ARL10: variants seen among roughly 807,000 people sequenced by gnomAD.
ARL10 encodes ADP-ribosylation factor-like protein 10.
ARL10 carries 23 observed loss-of-function variants against 26.1 expected under a neutral mutation model. That is an observed-to-expected ratio of 0.88 (90% confidence interval 0.63 to 1.25). ARL10 has a LOEUF of 1.25. Ranked by LOEUF, ARL10 falls within the 50% of genes most tolerant of loss-of-function variation. The pLI, the probability that ARL10 is intolerant of heterozygous loss-of-function variation, is 0.00. For missense variants in ARL10, 300 were observed against 323.6 expected, an observed-to-expected ratio of 0.93 and a Z score of 0.56; for synonymous variants, 138 against 149.1, an observed-to-expected ratio of 0.93 and a Z score of 0.54.
intron 3 of ARL10, among the ~76,000 whole-genome samples, chr5:176,371,160 A>T (rs1248475349): frequency 6.6e-6 from 1 of 152,198 alleles, no homozygotes; most frequent in Non-Finnish European, 1.5e-5. Context: ...GGATCACCTG[A>T]GGTCAGGAGT....
At chr5:176,386,262 T>C (rs1755838259), downstream of ARL10, 1 of 180,626 alleles carries the variant, frequency 5.5e-6, no homozygotes, top group Admixed American at 5.4e-5. Flanking sequence ...GCAGTAATTC[T>C]TATGAGAACC....
chr5:176,389,069 A>G (rs1294458934), downstream of ARL10: 46 of 1,466,116 alleles, frequency 3.1e-5, no homozygotes, highest in Non-Finnish European at 4.0e-5. Context: ...GAGCGGAAGG[A>G]GAGCGGACTA....
In ARL10 at chr5:176,375,316, CCATCCATCCATCCATCCAT is replaced by C. The variant is rs1395677116; in HGVS notation, c.*3428_*3446del. ...TCCATCCATCCATCCATCCATCCAT[CCATCCATCCATCCATCCAT>C]CATCCACCCATCCATCCATCCATCC... On this transcript the variant is annotated 3_prime_UTR_variant, in exon 4 of 4. Coordinates refer to ENST00000310389, the MANE Select transcript of ARL10 (RefSeq NM_173664.6). The C allele has an allele frequency of 9.6e-5, 5 of 52,052 alleles. No individual in the cohort carries two copies. The highest frequency in any genetic ancestry group is 1.2e-4 in the African/African-American group (2 of 16,162). The allele number at this position is 52,052 out of a possible 1,614,324, so 3.2% of individuals were successfully genotyped here.
chr5:176,384,891 G>A (rs764661566), downstream of ARL10: 56 of 522,388 alleles, frequency 1.1e-4, no homozygotes, highest in Non-Finnish European at 1.6e-4. Flanking sequence ...CAGTGTAGCC[G>A]GATCTTTCAA....
the ARL10 span, among the ~76,000 whole-genome samples, chr5:176,407,096 C>G: frequency 0.95 from 144,744 of 152,186 alleles, 69,275 homozygotes; most frequent in East Asian, 1. Flanking sequence ...AGTTCTCACT[C>G]AGATTGGAAA....
In ARL10 at chr5:176,378,892, C is replaced by CA. The variant is rs386405762; in HGVS notation, c.*7017dup. ...TGGGCAACAGAGCGAGACTCTGTCT[C>CA]AAAAAAAAAAAAAAAAAAAATTTCA... On this transcript the variant is annotated 3_prime_UTR_variant, in exon 4 of 4. Coordinates refer to ENST00000310389, the MANE Select transcript of ARL10 (RefSeq NM_173664.6). The CA allele has an allele frequency of 0.03, 2,308 of 78,046 alleles. 58 individuals are homozygous for CA. Among genetic ancestry groups the CA allele is most frequent in the African/African-American group, 0.089 (1,671 of 18,790 alleles). 4.8% of individuals were successfully genotyped at this position (78,046 alleles called of 1,614,324 possible).
At chr5:176,385,958 T>C (rs531307157), downstream of ARL10, 1 of 152,718 alleles carries the variant, frequency 6.5e-6, no homozygotes, top group South Asian at 2.1e-4. Flanking sequence ...TCGAATCATA[T>C]CCAGAGGTTA....
In ARL10 at chr5:176,373,837, ACTC is replaced by A. The variant is rs578110344; in HGVS notation, c.*1945_*1947del. 28 of 152,074 alleles carry A rather than the reference ACTC, an allele frequency of 1.8e-4. No individual in the cohort carries two copies. Among genetic ancestry groups the A allele is most frequent in the African/African-American group, 6.5e-4 (27 of 41,482 alleles). The allele number at this position is 152,074 out of a possible 1,614,324, so 9.4% of individuals were successfully genotyped here. ...GAGACTTTTCTCCTTTGTTCTATGAACTCCTTGTTCTTCAGGGCTTGAAGGCAA... is the reference window on the plus strand; with the variant it reads ...GAGACTTTTCTCCTTTGTTCTATGAACTTGTTCTTCAGGGCTTGAAGGCAA... On this transcript the variant is annotated 3_prime_UTR_variant, in exon 4 of 4. Coordinates refer to ENST00000310389, the MANE Select transcript of ARL10 (RefSeq NM_173664.6).
Position 176,371,885 on chromosome 5 carries a change from T to A in ARL10, c.725T>A (p.Leu242His). ...CACATCTGGAAACTGCTCTTGGAGC[T>A]CCTCTCCTAGGCTGGAGCTCTCCTG... ...TVHIWKLLLELLS is the reference protein window; with the variant it reads ...TVHIWKLLLEHLS The change falls in exon 4 of 4, where the codon CTC (leucine) becomes CAC (histidine). Residue 242 changes from leucine to histidine, a missense_variant. Coordinates refer to ENST00000310389, the MANE Select transcript of ARL10 (RefSeq NM_173664.6). 1.2e-6 allele frequency: 2 copies of A among 1,613,974 alleles called. No homozygotes were observed. The highest frequency in any genetic ancestry group is 1.7e-6 in the Non-Finnish European group (2 of 1,179,884).
At chr5:176,404,647 G>T (rs1581437340), downstream of ARL10, among the ~76,000 whole-genome samples, 1 of 152,162 alleles carries the variant, frequency 6.6e-6, no homozygotes. Context: ...GCCAAACTGG[G>T]CCCACATCTC....
chr5:176,366,626 C>G (rs769753592), intron 2 of ARL10, 45 bp downstream of exon 2: 35 of 1,603,754 alleles, frequency 2.2e-5, no homozygotes, highest in Non-Finnish European at 1.8e-5. Context: ...TCTACTGGAC[C>G]AGTCCTGGAT....
chr5:176,392,926 C>G (rs772117441), downstream of ARL10: 1 of 1,614,152 alleles, frequency 6.2e-7, no homozygotes, highest in Non-Finnish European at 8.5e-7. This position sits in a 1 kb window ranked among gnomAD's most constrained non-coding sequence, Gnocchi z 5.2. Flanking sequence ...GATTCCTTCA[C>G]GAAAGCCTCC....
chr5:176,395,709 G>A (rs954249068), intron 1 of ARL10, among the ~76,000 whole-genome samples: 1 of 152,226 alleles, frequency 6.6e-6, no homozygotes, highest in Non-Finnish European at 1.5e-5. Flanking sequence ...GGGGCCTGTG[G>A]TGGTCTGGGC....
rs1768655843 is a variant in ARL10, at chr5:176,375,175, C to CCCACCCAT, written c.*3292_*3299dup. 1.4e-5 allele frequency: 1 copy of CCCACCCAT among 69,130 alleles called. No individual in the cohort carries two copies. Among genetic ancestry groups the CCCACCCAT allele is most frequent in the African/African-American group, 5.4e-5 (1 of 18,650 alleles). The allele number at this position is 69,130 out of a possible 1,614,324, so 4.3% of individuals were successfully genotyped here. On this transcript the variant is annotated 3_prime_UTR_variant, in exon 4 of 4. Transcript: ENST00000310389. ...ACCCACCCATCCATCCACCCACCCA[C>CCCACCCAT]CCACCCATCCACCCATCCATCCATC...
chr5:176,388,186 CG>C (rs762362409), intron 1 of ARL10: 4 of 1,376,704 alleles, frequency 2.9e-6, no homozygotes, highest in Non-Finnish European at 3.1e-6. Context: ...GTCAGTATGG[CG>C]GGGGAAGAGT....
chr5:176,398,706 C>A (rs1389889195), intron 1 of ARL10, among the ~76,000 whole-genome samples: 1 of 151,936 alleles, frequency 6.6e-6, no homozygotes, highest in Non-Finnish European at 1.5e-5. Flanking sequence ...GAGCAAAACC[C>A]CGTCTCAAAA....
chr5:176,386,781 C>T, downstream of ARL10: 1 of 1,476,150 alleles, frequency 6.8e-7, no homozygotes, highest in African/African-American at 1.4e-5. Flanking sequence ...TCTTAGGGCC[C>T]TTCCCAGCTT....
Position 176,365,585 on chromosome 5 carries a change from C to A in ARL10, c.22C>A (p.Pro8Thr), listed in dbSNP as rs531391251. Residue 8 changes from proline to threonine, a missense_variant, in exon 1 of 4, where the codon CCC becomes ACC. Physicochemically the swap from Pro to Thr is conservative, Grantham distance 38. Transcript: ENST00000310389. Reference protein sequence around the residue: MAPRPLGPLVLALGGAAA... With the variant: MAPRPLGTLVLALGGAAA... The stretch of plus-strand genomic sequence containing the variant: ...CCCGATGGCGCCGCGGCCGCTGGGC[C>A]CCTTGGTGCTGGCGCTGGGCGGCGC... 2.4e-6 allele frequency: 3 copies of A among 1,241,566 alleles called. No homozygotes were observed. The highest frequency in any genetic ancestry group is 1.6e-5 in the African/African-American group (1 of 64,366). The allele number at this position is 1,241,566 out of a possible 1,614,324, so 76.9% of individuals were successfully genotyped here.
chr5:176,410,513 A>G, the ARL10 span, among the ~76,000 whole-genome samples: 1 of 152,148 alleles, frequency 6.6e-6, no homozygotes, highest in Non-Finnish European at 1.5e-5. Flanking sequence ...AGTACATTTT[A>G]TGTTCACCAC....
Sources: gnomAD v4.1 joint callset for allele counts (sites outside exome capture counted in the v4.1 genomes callset) on GRCh38, gnomAD v4.1.1 for gene constraint, Gnocchi (gnomAD v3.1) non-coding constraint, MANE v1.5 for transcripts, NCBI Gene and HGNC (gene_info 2026-07-23, HGNC 2026-07-21) for gene names.